The following DNAH6 variants were observed in gnomAD, a reference collection of about 807,000 sequenced individuals.
The protein encoded by DNAH6 is dynein axonemal heavy chain 6.
A neutral mutation model predicts 491.4 loss-of-function variants in DNAH6; 340 were observed. The ratio of observed to expected loss-of-function variants is 0.69; its 90% CI spans 0.63 to 0.76. DNAH6 has a LOEUF of 0.76. Ranked by LOEUF, DNAH6 falls within the 30% of genes least tolerant of loss-of-function variation. DNAH6 has a pLI of 0.00. For missense variants in DNAH6, 4,443 were observed against 4,972.2 expected (o/e 0.89, Z 3.20); for synonymous variants, 1,603 against 1,686.1 (o/e 0.95, Z 1.21).
At chr2:84,492,314 A>C in the DNAH6 span, among the ~76,000 whole-genome samples, 1 of 152,240 alleles carries the variant, frequency 6.6e-6, no homozygotes, top group Admixed American at 6.5e-5. Flanking sequence ...CCAGAGAATA[A>C]ATTTCCAGTC....
At chr2:84,787,099 C>T in intron 67 of DNAH6, 65 bp from the exon 68 acceptor site, 2 of 1,254,992 alleles carry the variant, frequency 1.6e-6, no homozygotes, top group South Asian at 1.6e-5. Context: ...TTTTAGTTTC[C>T]AGTATTTTAC....
chr2:84,609,611 A>AC (rs1686124927), intron 21 of DNAH6, among the ~76,000 whole-genome samples: 1 of 152,058 alleles, frequency 6.6e-6, no homozygotes, highest in Non-Finnish European at 1.5e-5. Context: ...GGTTCATGGC[A>AC]CCCCAAACAA....
At chr2:84,555,069 G>A (rs1679880669) in intron 10 of DNAH6, among the ~76,000 whole-genome samples, 1 of 152,118 alleles carries the variant, frequency 6.6e-6, no homozygotes, top group South Asian at 2.1e-4. Context: ...GCCAATAGAA[G>A]TATAAATAGG....
chr2:84,704,638 A>G (rs1360542060), intron 51 of DNAH6, among the ~76,000 whole-genome samples: 1 of 152,158 alleles, frequency 6.6e-6, no homozygotes, highest in African/African-American at 2.4e-5. Flanking sequence ...TTTTTGGAAA[A>G]CACTGCTCAG....
chr2:84,761,685 C>T lies in DNAH6; in HGVS notation c.10513-1070C>T, dbSNP rs139695804. Among the ~76,000 whole-genome samples, 315 of 151,968 alleles carry T rather than the reference C, an allele frequency of 2.1e-3. 3 individuals are homozygous for T. Among genetic ancestry groups the T allele is most frequent in the African/African-American group, 7.3e-3 (304 of 41,458 alleles). On this transcript the variant is annotated intron_variant, in intron 63 of 76. Coordinates refer to ENST00000389394, the MANE Select transcript of DNAH6 (RefSeq NM_001370.2). ...CTTAAAGGAACAGGCATGTGAACACCATCTTTTCCCAAGTTGGCCACAGAA... is the reference window on the plus strand; with the variant it reads ...CTTAAAGGAACAGGCATGTGAACACTATCTTTTCCCAAGTTGGCCACAGAA...
At position 84,718,364 on chromosome 2, in the gene DNAH6, G is replaced by A. The variant is rs1205593869; in HGVS notation, c.9772G>A (p.Asp3258Asn). Residue 3258 changes from aspartate (D) to asparagine (N), a missense_variant, in exon 59 of 77, where the codon GAC (aspartate) becomes AAC (asparagine). Around this residue, in one of 3 missense-constraint regions of DNAH6, gnomAD observed 1,463 missense variants for 1,656.6 expected, o/e 0.88. Coordinates refer to ENST00000389394, the MANE Select transcript of DNAH6 (RefSeq NM_001370.2). ...TATTCTGGACAATGAAGAACTTATTGACACACTCCAGGATTCAAAGGCAAG... is the reference window on the plus strand; with the variant it reads ...TATTCTGGACAATGAAGAACTTATTAACACACTCCAGGATTCAAAGGCAAG... ...GNILDNEELI[D>N]TLQDSKITSG... The A allele has an allele frequency of 1.3e-6, 2 of 1,539,392 alleles. No homozygotes were observed. Among genetic ancestry groups the A allele is most frequent in the South Asian group, 2.5e-5 (2 of 80,692 alleles).
chr2:84,535,955 G>A (rs1250699448), intron 4 of DNAH6, among the ~76,000 whole-genome samples: 3 of 151,942 alleles, frequency 2.0e-5, no homozygotes, highest in African/African-American at 7.2e-5. Context: ...TCTTAAAAAT[G>A]TTTGTTACAA....
At chr2:84,632,062 A>T (rs1688451836) in intron 29 of DNAH6, among the ~76,000 whole-genome samples, 2 of 152,196 alleles carry the variant, frequency 1.3e-5, no homozygotes, top group South Asian at 4.1e-4. Context: ...TTTGGCCTGT[A>T]GGCATTGACC....
upstream of DNAH6, among the ~76,000 whole-genome samples, chr2:84,511,565 G>A (rs570871860): frequency 1.5e-4 from 23 of 152,216 alleles, no homozygotes; most frequent in South Asian, 1.0e-3. Flanking sequence ...CTCTCGGTGC[G>A]CTGCACCCAC....
At chr2:84,629,460 ATCCCATTG>A (rs1251221148) in intron 29 of DNAH6, among the ~76,000 whole-genome samples, 1 of 152,182 alleles carries the variant, frequency 6.6e-6, no homozygotes, top group Non-Finnish European at 1.5e-5. Context: ...ATGAAATGGT[ATCCCATTG>A]TATTCTCCTG....
rs140104709 is a variant in DNAH6, at chr2:84,815,446, C to G, written c.12151-415C>G. Among the ~76,000 whole-genome samples, 11 of 151,240 alleles carry G rather than the reference C, an allele frequency of 7.3e-5. No individual in the cohort carries two copies. In the East Asian group the frequency reaches 1.9e-3, roughly 27 times the overall value. On this transcript the variant is annotated intron_variant, in intron 75 of 76. Coordinates refer to ENST00000389394, the MANE Select transcript of DNAH6 (RefSeq NM_001370.2). ...ATCACAGGAATCTGATGGGCAGGGT[C>G]TCTCCCTCTCCCTCTTTCTTATTTA...
Position 84,722,468 on chromosome 2 carries a change from G to A in DNAH6, c.9793-157G>A, listed in dbSNP as rs74576756. ...GTCAGCTTATTCAGAAGGTCACTGA[G>A]CCCTGAGACTCAGTCGTTCCACCTG... On this transcript the variant is annotated intron_variant, in intron 59 of 76. Coordinates refer to ENST00000389394, the MANE Select transcript of DNAH6 (RefSeq NM_001370.2). Among the ~76,000 whole-genome samples the A allele has an allele frequency of 0.014, 2,152 of 152,280 alleles. 42 individuals carry two copies. The highest frequency in any genetic ancestry group is 0.048 in the African/African-American group (2,012 of 41,538).
chr2:84,558,756 A>G (rs1389947194), intron 11 of DNAH6, among the ~76,000 whole-genome samples: 6 of 152,192 alleles, frequency 3.9e-5, no homozygotes, highest in African/African-American at 1.4e-4. Flanking sequence ...CAATTTTTAA[A>G]CTCAAAAGCT....
At chr2:84,543,393 C>CA (rs1678453785) in intron 4 of DNAH6, among the ~76,000 whole-genome samples, 1 of 152,078 alleles carries the variant, frequency 6.6e-6, no homozygotes, top group Non-Finnish European at 1.5e-5. Context: ...GCTCTCCTAA[C>CA]AGAGAGAAAC....
chr2:84,607,075 G>T lies in DNAH6; in HGVS notation c.3274G>T (p.Ala1092Ser). The change falls in exon 21 of 77, where the codon GCT becomes TCT. Residue 1092 changes from alanine to serine, a missense_variant. Ala to Ser is a moderately conservative substitution (Grantham distance 99). This residue lies in a region of DNAH6 where 2,977 missense variants were observed against 3,296.6 expected (regional missense o/e 0.90). Coordinates refer to ENST00000389394, the MANE Select transcript of DNAH6 (RefSeq NM_001370.2). The stretch of plus-strand genomic sequence containing the variant: ...AGTGGATGAATGGCAAAAACAACTT[G>T]CTTTATTTAATCAAACACTGGTGAG... ...TRVDEWQKQL[A>S]LFNQTLEEWL... 2 of 1,551,310 alleles carry T rather than the reference G, an allele frequency of 1.3e-6. No homozygotes were observed. Among genetic ancestry groups the T allele is most frequent in the Non-Finnish European group, 1.7e-6 (2 of 1,146,702 alleles).
the DNAH6 span, among the ~76,000 whole-genome samples, chr2:84,483,528 A>T: frequency 6.6e-6 from 1 of 152,110 alleles, no homozygotes; most frequent in South Asian, 2.1e-4. Context: ...AAATTTGCAC[A>T]GTCATGGTGG....
At chr2:84,816,254 G>C (rs1680477048) in intron 76 of DNAH6, among the ~76,000 whole-genome samples, 171 bp downstream of exon 76, 1 of 152,104 alleles carries the variant, frequency 6.6e-6, no homozygotes, top group Non-Finnish European at 1.5e-5. Flanking sequence ...AATTCTATTT[G>C]TTCTGAGTAT....
chr2:84,516,777 A>G (rs1675636511), intron 1 of DNAH6, among the ~76,000 whole-genome samples, 194 bp downstream of exon 1: 1 of 152,216 alleles, frequency 6.6e-6, no homozygotes, highest in Non-Finnish European at 1.5e-5. Flanking sequence ...AGACTTGTCC[A>G]AGATCTCACG....
At chr2:84,481,692 AT>A in the DNAH6 span, among the ~76,000 whole-genome samples, 1 of 152,172 alleles carries the variant, frequency 6.6e-6, no homozygotes, top group Non-Finnish European at 1.5e-5. Context: ...TACCTCCTCT[AT>A]CCCCATTTGT....
Sources: allele counts gnomAD v4.1 joint callset (sites outside exome capture counted in the v4.1 genomes callset), GRCh38; gene constraint gnomAD v4.1.1; regional missense constraint gnomAD v4.1.1; transcripts MANE v1.5; gene names NCBI Gene and HGNC (gene_info 2026-07-23, HGNC 2026-07-21).